LARP1B: variants seen among roughly 807,000 people sequenced by gnomAD.
LARP1B encodes La ribonucleoprotein 1B.
A neutral mutation model predicts 114.2 loss-of-function variants in LARP1B; 76 were observed. That is an observed-to-expected ratio of 0.67 (90% CI 0.55 to 0.81). LARP1B has a LOEUF of 0.81. Among genes scored for constraint, LARP1B ranks in the 30% least tolerant of loss-of-function variants. The pLI is 0.00. For missense variants in LARP1B, 1,014 were observed against 1,075.8 expected (o/e 0.94, Z 0.80); for synonymous variants, 345 against 348.0 (o/e 0.99, Z 0.10).
Position 128,091,110 on chromosome 4 carries a change from A to C in LARP1B, c.468A>C (p.Gly156=). The change falls in exon 6 of 20, where the codon GGA becomes GGC. Residue 156 remains glycine, a synonymous_variant. Transcript: ENST00000326639. ...TTAGAGGTCGAGGAAGAGGCCGAGG[A>C]CGGGGAAGAGGACGAGGCAGAGGAA... ...GSFRGRGRGR[G]RGRGRGRGNP... The C allele has an allele frequency of 6.2e-7, 1 of 1,613,906 alleles. No homozygotes were observed. Among genetic ancestry groups the C allele is most frequent in the Non-Finnish European group, 8.5e-7 (1 of 1,179,842 alleles).
At chr4:128,065,265 C>CTTTCT (rs1410689474) in intron 1 of LARP1B, among the ~76,000 whole-genome samples, 18 of 83,166 alleles carry the variant, frequency 2.2e-4, no homozygotes, top group Admixed American at 4.3e-4. Flanking sequence ...TTCTTTCTTT[C>CTTTCT]TTTCTTTCTT....
intron 15 of LARP1B, among the ~76,000 whole-genome samples, chr4:128,194,907 A>G (rs773073730): frequency 9.2e-5 from 14 of 151,702 alleles, no homozygotes; most frequent in Non-Finnish European, 1.8e-4. Context: ...GAAATTCTCC[A>G]TCTCTTCATG....
intron 5 of LARP1B, among the ~76,000 whole-genome samples, chr4:128,083,700 G>A (rs1263246473): frequency 1.4e-5 from 2 of 147,776 alleles, no homozygotes; most frequent in African/African-American, 5.0e-5. Context: ...CTCCCGGACA[G>A]GGTGGCTGGC....
intron 5 of LARP1B, among the ~76,000 whole-genome samples, chr4:128,085,777 C>T (rs1363025037): frequency 6.6e-6 from 1 of 152,140 alleles, no homozygotes; most frequent in South Asian, 2.1e-4. Context: ...TCATGAATAA[C>T]GCTGATGAAT....
intron 9 of LARP1B, among the ~76,000 whole-genome samples, chr4:128,109,372 G>C (rs1188915400): frequency 1.3e-5 from 2 of 152,060 alleles, no homozygotes; most frequent in African/African-American, 2.4e-5. Flanking sequence ...GATTTGTATG[G>C]TAAAATATTC....
At chr4:128,141,387 AAC>A (rs1316519304) in intron 11 of LARP1B, among the ~76,000 whole-genome samples, 1 of 152,158 alleles carries the variant, frequency 6.6e-6, no homozygotes, top group Non-Finnish European at 1.5e-5. Flanking sequence ...ATAAGAGAGA[AAC>A]ACGTTACAAC....
intron 15 of LARP1B, among the ~76,000 whole-genome samples, chr4:128,185,789 A>G (rs1750130835): frequency 6.6e-6 from 1 of 152,116 alleles, no homozygotes; most frequent in Non-Finnish European, 1.5e-5. Context: ...TGTTTTCCCA[A>G]TATTTTCTTC....
intron 9 of LARP1B, among the ~76,000 whole-genome samples, chr4:128,111,186 A>G (rs1783981575): frequency 6.6e-6 from 1 of 151,782 alleles, no homozygotes; most frequent in Non-Finnish European, 1.5e-5. Flanking sequence ...AGCTGGGACT[A>G]CAGGTGTGTG....
chr4:128,165,240 A>G (rs1417025323), intron 12 of LARP1B, among the ~76,000 whole-genome samples: 3 of 151,912 alleles, frequency 2.0e-5, no homozygotes, highest in East Asian at 1.9e-4. Context: ...GTTGGTCGGT[A>G]TGAGTGTGTA....
chr4:128,091,549 A>C, intron 7 of LARP1B, 37 bp downstream of exon 7: 1 of 1,515,726 alleles, frequency 6.6e-7, no homozygotes, highest in Non-Finnish European at 8.9e-7. Context: ...CGGGATAGCA[A>C]AATCTGTTGC....
chr4:128,129,440 C>T (rs142466866), intron 11 of LARP1B, among the ~76,000 whole-genome samples: 13 of 151,292 alleles, frequency 8.6e-5, no homozygotes, highest in African/African-American at 2.9e-4. Context: ...CATGTCAGTT[C>T]TTTCCAACAT....
At chr4:128,167,394 T>G (rs1741599582) in intron 12 of LARP1B, among the ~76,000 whole-genome samples, 1 of 152,038 alleles carries the variant, frequency 6.6e-6, no homozygotes, top group African/African-American at 2.4e-5. Context: ...TCAGGTCTTT[T>G]GCCCATGTTT....
chr4:128,062,610 T>TTTTTA (rs1760673682), intron 1 of LARP1B, among the ~76,000 whole-genome samples: 1 of 150,650 alleles, frequency 6.6e-6, no homozygotes, highest in African/African-American at 2.4e-5. Flanking sequence ...TTTTTTTTTT[T>TTTTTA]ACATAAAAGG....
At chr4:128,153,551 G>T (rs571584989) in intron 11 of LARP1B, among the ~76,000 whole-genome samples, 1 of 152,068 alleles carries the variant, frequency 6.6e-6, no homozygotes, top group African/African-American at 2.4e-5. Flanking sequence ...TGATCCATCC[G>T]CCTTGGCCTC....
intron 1 of LARP1B, among the ~76,000 whole-genome samples, chr4:128,065,265 C>A (rs1226384191): frequency 0.026 from 2,181 of 83,230 alleles, 41 homozygotes; most frequent in African/African-American, 0.052. Context: ...TTCTTTCTTT[C>A]TTTCTTTCTT....
At position 128,176,895 on chromosome 4, in the gene LARP1B, A is replaced by G; in HGVS notation, c.1672A>G (p.Ile558Val). Residue 558 changes from isoleucine to valine, a missense_variant, in exon 13 of 20, where the codon ATT becomes GTT. By Grantham distance (29) the Ile-to-Val change is conservative. Coordinates refer to ENST00000326639, the MANE Select transcript of LARP1B (RefSeq NM_018078.4). ...AGGAGGTGTTCAAGGAGTGCTTCAC[A>G]TTCCCAAGAAAGGTAACATCTGTGG... Reference protein sequence around the residue: ...RQGGVQGVLHIPKKDLTDELA... With the variant: ...RQGGVQGVLHVPKKDLTDELA... 1 of 1,614,036 alleles carries G rather than the reference A, an allele frequency of 6.2e-7. No homozygotes were observed. Among genetic ancestry groups the G allele is most frequent in the Non-Finnish European group, 8.5e-7 (1 of 1,179,886 alleles).
chr4:128,128,287 T>G (rs189357568), intron 11 of LARP1B, among the ~76,000 whole-genome samples: 9 of 152,138 alleles, frequency 5.9e-5, no homozygotes, highest in Non-Finnish European at 1.2e-4. Flanking sequence ...ACATCAAAAT[T>G]TAAAAATTTT....
chr4:128,204,803 CA>C (rs113791145), intron 17 of LARP1B, among the ~76,000 whole-genome samples: 3 of 151,708 alleles, frequency 2.0e-5, no homozygotes, highest in South Asian at 2.1e-4. Flanking sequence ...ATGCCTGTAT[CA>C]AAACATGTCA....
chr4:128,142,608 A>G (rs1728538576), intron 11 of LARP1B, among the ~76,000 whole-genome samples: 1 of 150,900 alleles, frequency 6.6e-6, no homozygotes, highest in African/African-American at 2.4e-5. Flanking sequence ...TCCCGGGTTC[A>G]AGCTATTCTT....
Sources: allele counts gnomAD v4.1 joint callset (sites outside exome capture counted in the v4.1 genomes callset), GRCh38; gene constraint gnomAD v4.1.1; transcripts MANE v1.5; gene names NCBI Gene and HGNC (gene_info 2026-07-23, HGNC 2026-07-21).